The following TTLL5 variants were observed in gnomAD, a reference collection of about 807,000 sequenced individuals.
The protein encoded by TTLL5 is tubulin polyglutamylase TTLL5.
Under a neutral mutation model 168.4 loss-of-function variants are expected in TTLL5, and 132 were observed. That is an observed-to-expected ratio of 0.78 (90% CI 0.68 to 0.91). TTLL5 has a LOEUF of 0.91. TTLL5 is among the 40% of genes least tolerant of loss of function. The pLI is 0.00. For missense variants in TTLL5, 1,545 were observed against 1,581.5 expected (o/e 0.98, Z 0.39); for synonymous variants, 546 against 558.6 (o/e 0.98, Z 0.32).
chr14:75,765,179 C>T (rs1398188973), intron 19 of TTLL5, among the ~76,000 whole-genome samples: 2 of 152,210 alleles, frequency 1.3e-5, no homozygotes, highest in Admixed American at 1.3e-4. Flanking sequence ...TCTCTCCTAG[C>T]TTCTACAATG....
intron 29 of TTLL5, among the ~76,000 whole-genome samples, chr14:75,878,779 G>A (rs1484808227): frequency 6.6e-6 from 1 of 152,068 alleles, no homozygotes; most frequent in African/African-American, 2.4e-5. Context: ...AGTATCTAAG[G>A]TCCTACCATA....
chr14:75,670,046 A>G (rs1883608973), intron 3 of TTLL5, among the ~76,000 whole-genome samples: 2 of 152,144 alleles, frequency 1.3e-5, no homozygotes, highest in Non-Finnish European at 2.9e-5. Context: ...TTCACTTAGC[A>G]TAATGTTTTT....
In TTLL5 at chr14:75,745,266, G is replaced by A. The variant is rs528102630; in HGVS notation, c.1395+58G>A. On this transcript the variant is annotated intron_variant, in intron 16 of 31. Transcript: ENST00000298832. Reference sequence around the variant, plus strand: ...TTAACACAGGGTTTAGTGAAAATTAGTGAGTGATTGATAATATTCATGACA... The same window carrying A: ...TTAACACAGGGTTTAGTGAAAATTAATGAGTGATTGATAATATTCATGACA... 8.0e-6 allele frequency: 12 copies of A among 1,490,734 alleles called. No homozygotes were observed. In the Admixed American group the frequency reaches 2.0e-4, roughly 24 times the overall value. The allele number at this position is 1,490,734 out of a possible 1,614,324, so 92.3% of individuals were successfully genotyped here.
chr14:75,928,403 G>A (rs1239016773), intron 31 of TTLL5, among the ~76,000 whole-genome samples: 1 of 128,020 alleles, frequency 7.8e-6, no homozygotes, highest in Admixed American at 8.4e-5. Context: ...CATTTCCTGG[G>A]CAAAATGTTA....
intron 15 of TTLL5, among the ~76,000 whole-genome samples, chr14:75,740,092 A>G (rs1215028978): frequency 1.3e-5 from 2 of 152,170 alleles, no homozygotes; most frequent in South Asian, 2.1e-4. Context: ...TTGATGTGTT[A>G]TATTCTGGCA....
At chr14:75,944,746 C>T (rs1205950591) in intron 31 of TTLL5, among the ~76,000 whole-genome samples, 1 of 152,068 alleles carries the variant, frequency 6.6e-6, no homozygotes, top group African/African-American at 2.4e-5. Flanking sequence ...TCAGTTGCAG[C>T]CAGCACCAGG....
intron 28 of TTLL5, among the ~76,000 whole-genome samples, chr14:75,849,071 C>A (rs933849926): frequency 6.6e-6 from 1 of 152,214 alleles, no homozygotes; most frequent in African/African-American, 2.4e-5. Context: ...ATATCAGCTT[C>A]TAGCTTTTTG....
chr14:75,731,124 A>G (rs894962088), intron 12 of TTLL5, among the ~76,000 whole-genome samples: 1 of 152,058 alleles, frequency 6.6e-6, no homozygotes, highest in African/African-American at 2.4e-5. Flanking sequence ...TTCTGAGAGT[A>G]TTGAGAAATT....
intron 31 of TTLL5, among the ~76,000 whole-genome samples, chr14:75,918,408 A>G (rs2033696132): frequency 6.6e-6 from 1 of 152,110 alleles, no homozygotes; most frequent in Non-Finnish European, 1.5e-5. Context: ...GAACTTCATC[A>G]CACTTCTGCA....
intron 31 of TTLL5, among the ~76,000 whole-genome samples, chr14:75,933,144 G>T (rs1280690365): frequency 6.6e-6 from 1 of 152,136 alleles, no homozygotes; most frequent in Non-Finnish European, 1.5e-5. Flanking sequence ...AATTTTACCT[G>T]AAAACTTAAC....
chr14:75,773,921 TATATATAGAG>T lies in TTLL5; in HGVS notation c.2137-1561_2137-1552del, dbSNP rs1453507997. ...AAAAAAAAATACATATATATATATATATATATAGAGAGAGAGAGAGAGAGAGAGAGAGAGA... is the reference window on the plus strand; with the variant it reads ...AAAAAAAAATACATATATATATATATAGAGAGAGAGAGAGAGAGAGAGAGA... On this transcript the variant is annotated intron_variant, in intron 21 of 31. Transcript: ENST00000298832. Among the ~76,000 whole-genome samples the T allele has an allele frequency of 5.0e-3, 142 of 28,256 alleles. 3 individuals are homozygous for T. Among genetic ancestry groups the T allele is most frequent in the South Asian group, 0.011 (8 of 754 alleles). 18.5% of individuals were successfully genotyped at this position (28,256 alleles called of 152,430 possible).
chr14:75,867,212 G>A (rs2030594277), intron 29 of TTLL5, among the ~76,000 whole-genome samples: 1 of 152,114 alleles, frequency 6.6e-6, no homozygotes, highest in Non-Finnish European at 1.5e-5. Flanking sequence ...AAAACTTTAT[G>A]TACAAAAACA....
At chr14:75,727,910 T>C in intron 12 of TTLL5, 1 of 460,196 alleles carries the variant, frequency 2.2e-6, no homozygotes, top group Non-Finnish European at 4.3e-6. Flanking sequence ...CCTTTTGGGG[T>C]GATGGAAACA....
At chr14:75,923,612 G>C (rs928331824) in intron 31 of TTLL5, among the ~76,000 whole-genome samples, 19 of 152,144 alleles carry the variant, frequency 1.2e-4, no homozygotes, top group African/African-American at 4.6e-4. Context: ...CATTTGCTGA[G>C]GAGTGCTTTA....
intron 24 of TTLL5, 84 bp from the exon 25 acceptor site, chr14:75,782,402 AT>A: frequency 1.9e-6 from 2 of 1,079,208 alleles, no homozygotes; most frequent in Admixed American, 4.7e-5. Flanking sequence ...CAGTTGTGTT[AT>A]ATTTTTGGGA....
At chr14:75,949,420 GTATATATATATTCTA>G (rs952373014) in intron 31 of TTLL5, among the ~76,000 whole-genome samples, 14 of 135,418 alleles carry the variant, frequency 1.0e-4, no homozygotes, top group African/African-American at 2.7e-4. Context: ...GTTTTATAGA[GTATATATATATTCTA>G]TATATATATA....
intron 28 of TTLL5, among the ~76,000 whole-genome samples, chr14:75,825,744 C>G (rs894939332): frequency 6.6e-6 from 1 of 152,058 alleles, no homozygotes; most frequent in African/African-American, 2.4e-5. Context: ...TCTTCTCTTT[C>G]ATAAAATAAA....
At chr14:75,835,200 C>CCACATA (rs376681796) in intron 28 of TTLL5, among the ~76,000 whole-genome samples, 2 of 152,316 alleles carry the variant, frequency 1.3e-5, no homozygotes, top group East Asian at 3.9e-4. Flanking sequence ...CAACACACTT[C>CCACATA]CACATACAAG....
intron 21 of TTLL5, among the ~76,000 whole-genome samples, chr14:75,773,903 A>ATACATATATATAT (rs1194006811): frequency 2.7e-5 from 2 of 74,728 alleles, no homozygotes; most frequent in African/African-American, 8.4e-5. Flanking sequence ...AAAAAAAAAA[A>ATACATATATATAT]ATACATATAT....
Sources: allele counts gnomAD v4.1 joint callset (sites outside exome capture counted in the v4.1 genomes callset), GRCh38; gene constraint gnomAD v4.1.1; transcripts MANE v1.5; gene names NCBI Gene and HGNC (gene_info 2026-07-23, HGNC 2026-07-21).